Variants in ANTXR2 observed in about 807,000 individuals in gnomAD.
The protein encoded by ANTXR2 is anthrax toxin receptor 2.
ANTXR2 carries 44 observed loss-of-function variants against 73.7 expected under a neutral mutation model. The ratio of observed to expected loss-of-function variants is 0.60; its 90% confidence interval spans 0.47 to 0.77. The LOEUF is 0.77. Ranked by LOEUF, ANTXR2 falls within the 30% of genes least tolerant of loss-of-function variation. The pLI is 0.00. For missense variants in ANTXR2, 604 were observed against 592.5 expected (o/e 1.02, Z -0.20); for synonymous variants, 217 against 205.9 (o/e 1.05, Z -0.46).
rs1263981683 is a variant in ANTXR2 at position 79,906,812 on chromosome 4, T to C, written c.*617A>G. Reference sequence around the variant, plus strand: ...ACCTTGAGGCATCTTGTCTACATTTTGTCATGCGTGTGCACTTTTCAGTGT... The same window carrying C: ...ACCTTGAGGCATCTTGTCTACATTTCGTCATGCGTGTGCACTTTTCAGTGT... On this transcript the variant is annotated 3_prime_UTR_variant, in exon 17 of 17. Coordinates refer to ENST00000403729, the MANE Select transcript of ANTXR2 (RefSeq NM_058172.6). 6.5e-6 allele frequency: 1 copy of C among 152,752 alleles called. No homozygotes were observed. Among genetic ancestry groups the C allele is most frequent in the African/African-American group, 2.4e-5 (1 of 41,460 alleles). The allele number at this position is 152,752 out of a possible 1,614,324, so 9.5% of individuals were successfully genotyped here. A position where few individuals can be genotyped will look rare whatever the true frequency, so the allele number is the denominator to read the frequency against.
intron 16 of ANTXR2, among the ~76,000 whole-genome samples, chr4:79,910,563 A>C (rs560090576): frequency 3.3e-5 from 5 of 152,062 alleles, no homozygotes; most frequent in African/African-American, 1.2e-4. Context: ...AACAAAAAAA[A>C]CAGATATTGT....
intron 3 of ANTXR2, among the ~76,000 whole-genome samples, chr4:80,059,226 T>C (rs1245813407): frequency 1.3e-5 from 2 of 152,090 alleles, no homozygotes; most frequent in African/African-American, 2.4e-5. Context: ...CAAAATGTTA[T>C]ATTAAAGCCC....
At chr4:79,977,784 A>T (rs1729704088) in intron 15 of ANTXR2, 83 bp from the exon 16 acceptor site, 2 of 1,379,772 alleles carry the variant, frequency 1.4e-6, no homozygotes, top group Non-Finnish European at 9.9e-7. Flanking sequence ...AAAACGAAGA[A>T]AGTAAAATCT....
chr4:79,982,862 T>C (rs1729950635), intron 14 of ANTXR2, among the ~76,000 whole-genome samples: 1 of 152,126 alleles, frequency 6.6e-6, no homozygotes, highest in Admixed American at 6.5e-5. Flanking sequence ...ATAAACACTT[T>C]GCTAATGACA....
intron 16 of ANTXR2, among the ~76,000 whole-genome samples, chr4:79,908,942 G>T (rs181131630): frequency 6.6e-6 from 1 of 152,098 alleles, no homozygotes; most frequent in African/African-American, 2.4e-5. Context: ...TTCACAACAC[G>T]TTATGTTCCA....
intron 7 of ANTXR2, among the ~76,000 whole-genome samples, chr4:80,048,597 C>A (rs1733629640): frequency 1.3e-5 from 2 of 151,716 alleles, no homozygotes. Context: ...AAGTGGTCAA[C>A]ATTCATAGCA....
chr4:79,961,517 C>G (rs1729140767), intron 16 of ANTXR2, among the ~76,000 whole-genome samples: 1 of 152,104 alleles, frequency 6.6e-6, no homozygotes, highest in South Asian at 2.1e-4. Flanking sequence ...TTACTGCAGC[C>G]TTGACATCCC....
intron 9 of ANTXR2, among the ~76,000 whole-genome samples, chr4:80,032,968 A>T (rs1353041007): frequency 6.6e-6 from 1 of 151,926 alleles, no homozygotes; most frequent in African/African-American, 2.4e-5. Context: ...AAATTAACAA[A>T]TTATTGGGAA....
intron 14 of ANTXR2, among the ~76,000 whole-genome samples, chr4:79,982,717 T>A (rs2110017917): frequency 6.6e-6 from 1 of 152,260 alleles, no homozygotes; most frequent in African/African-American, 2.4e-5. Context: ...CTGTTTATAA[T>A]CATGGATAAT....
At chr4:80,058,676 T>C (rs1734110695) in intron 3 of ANTXR2, among the ~76,000 whole-genome samples, 1 of 91,514 alleles carries the variant, frequency 1.1e-5, no homozygotes. Context: ...CCCACTGTAA[T>C]GTTAAAAAAA....
At chr4:79,961,500 T>C (rs1404085502) in intron 16 of ANTXR2, among the ~76,000 whole-genome samples, 4 of 152,104 alleles carry the variant, frequency 2.6e-5, no homozygotes, top group Non-Finnish European at 5.9e-5. Context: ...AATAGTGTGA[T>C]CATGGCTTAC....
chr4:79,976,135 A>G (rs1729620090), intron 16 of ANTXR2, among the ~76,000 whole-genome samples: 1 of 151,768 alleles, frequency 6.6e-6, no homozygotes. Flanking sequence ...GATGGTCTCG[A>G]TCTCCTGACC....
intron 16 of ANTXR2, among the ~76,000 whole-genome samples, chr4:79,963,135 G>T (rs977990880): frequency 1.3e-5 from 2 of 152,140 alleles, no homozygotes; most frequent in Non-Finnish European, 2.9e-5. Flanking sequence ...TAACATAATG[G>T]AGTACAAAGC....
chr4:79,959,417 C>G (rs1328755850), intron 16 of ANTXR2, among the ~76,000 whole-genome samples: 4 of 152,044 alleles, frequency 2.6e-5, no homozygotes, highest in African/African-American at 4.8e-5. Flanking sequence ...TCTTATGAAT[C>G]ACTAGGATCT....
chr4:79,994,415 T>C (rs1306950108), intron 12 of ANTXR2, among the ~76,000 whole-genome samples: 1 of 152,040 alleles, frequency 6.6e-6, no homozygotes, highest in Non-Finnish European at 1.5e-5. Flanking sequence ...TGGAGTTCTC[T>C]CACTAGAAAA....
At chr4:79,996,318 TATGGATGGATGG>T (rs141810972) in intron 12 of ANTXR2, among the ~76,000 whole-genome samples, 28 of 148,870 alleles carry the variant, frequency 1.9e-4, no homozygotes, top group African/African-American at 5.9e-4. Context: ...CGGATGGATA[TATGGATGGATGG>T]ATGGATGGAT....
At chr4:79,966,560 A>G (rs1729373718) in intron 16 of ANTXR2, among the ~76,000 whole-genome samples, 1 of 152,142 alleles carries the variant, frequency 6.6e-6, no homozygotes, top group Non-Finnish European at 1.5e-5. Context: ...TAGGTAAATT[A>G]CTGTAAGTTC....
intron 16 of ANTXR2, among the ~76,000 whole-genome samples, chr4:79,918,374 G>A (rs1442915048): frequency 6.6e-6 from 1 of 152,018 alleles, no homozygotes; most frequent in East Asian, 1.9e-4. Flanking sequence ...ACCATGAGAA[G>A]GATAAATACA....
chr4:80,029,904 T>C (rs139837991), intron 10 of ANTXR2, among the ~76,000 whole-genome samples: 1 of 151,866 alleles, frequency 6.6e-6, no homozygotes, highest in African/African-American at 2.4e-5. Flanking sequence ...TGAGAGGGAA[T>C]GAGAGGCCAG....
Sources: allele counts gnomAD v4.1 joint callset (sites outside exome capture counted in the v4.1 genomes callset), GRCh38; gene constraint gnomAD v4.1.1; transcripts MANE v1.5; gene names NCBI Gene and HGNC (gene_info 2026-07-23, HGNC 2026-07-21).